The following NDUFB7 variants were observed in gnomAD, a reference collection of about 807,000 sequenced individuals.
NDUFB7 encodes the protein NADH dehydrogenase [ubiquinone] 1 beta subcomplex subunit 7.
NDUFB7 carries 18 observed loss-of-function variants against 14.7 expected under a neutral mutation model. That is an observed-to-expected ratio of 1.22 (90% CI 0.85 to 1.81). The LOEUF is 1.81. Ranked by LOEUF, NDUFB7 falls within the 40% of genes most tolerant of loss-of-function variation. The pLI is 0.00. For synonymous variants in NDUFB7, 86 were observed against 76.1 expected (o/e 1.13, Z -0.68); for missense variants, 219 against 195.0 (o/e 1.12, Z -0.73).
At chr19:14,570,009 AG>A (rs1355538251) in intron 1 of NDUFB7, among the ~76,000 whole-genome samples, 2 of 151,628 alleles carry the variant, frequency 1.3e-5, no homozygotes, top group African/African-American at 4.9e-5. Context: ...CTCCTGCCTC[AG>A]CCTCCCAGAC....
At position 14,567,202 on chromosome 19, in the gene NDUFB7, G is replaced by A. The variant is rs143892491; in HGVS notation, c.113-269C>T. 1.3e-4 allele frequency among the ~76,000 whole-genome samples: 20 copies of A among 152,124 alleles called. No individual in the cohort carries two copies. The highest frequency in any genetic ancestry group is 4.3e-4 in the African/African-American group (18 of 41,508). On this transcript the variant is annotated intron_variant, in intron 1 of 2. Transcript: ENST00000215565. The surrounding 1 kb of genome is among the most constrained non-coding windows in gnomAD (Gnocchi z 5.1). Reference sequence around the variant, plus strand: ...TCACCCTGAGGCACCTCAACATCCCGTGCCGGATCCTTGCCTCCCCTCCCA... The same window carrying A: ...TCACCCTGAGGCACCTCAACATCCCATGCCGGATCCTTGCCTCCCCTCCCA...
rs757367425 is a variant in NDUFB7 at position 14,566,169 on chromosome 19, C to G, written c.378G>C (p.Gln126His). The G allele has an allele frequency of 3.1e-6, 5 of 1,613,410 alleles. No individual in the cohort carries two copies. Among genetic ancestry groups the G allele is most frequent in the Middle Eastern group, 1.7e-4 (1 of 6,018 alleles). ...EKKAAELAKG[Q>H]GPGEVDPKVA... ...CCTTGGGGTCCACTTCCCCGGGTCC[C>G]TGGCCTTTGGCCAACTCTGCCGCCT... The change falls in exon 3 of 3, where the codon CAG becomes CAC. Residue 126 changes from glutamine (Q) to histidine (H), a missense_variant. Gln to His is a conservative substitution (Grantham distance 24). Transcript: ENST00000215565.
At chr19:14,566,716 A>C in intron 2 of NDUFB7, 49 bp downstream of exon 2, 9 of 1,164,472 alleles carry the variant, frequency 7.7e-6, no homozygotes, top group Admixed American at 3.0e-5. Context: ...GGCTGGGGGT[A>C]TGGGGTGTTG....
At position 14,567,542 on chromosome 19, in the gene NDUFB7, C is replaced by T. The variant is rs951851731; in HGVS notation, c.113-609G>A. Among the ~76,000 whole-genome samples, 1 of 152,090 alleles carries T rather than the reference C, an allele frequency of 6.6e-6. No homozygotes were observed. The highest frequency in any genetic ancestry group is 1.5e-5 in the Non-Finnish European group (1 of 68,012). On this transcript the variant is annotated intron_variant, in intron 1 of 2. Coordinates refer to ENST00000215565, the MANE Select transcript of NDUFB7 (RefSeq NM_004146.6). This position sits in a 1 kb window ranked among gnomAD's most constrained non-coding sequence, Gnocchi z 5.1. ...CTAGTATCTGGGTCCCGGTGCCCCA[C>T]TCACCTAGCAAACCTGACTCCGGAC...
intron 1 of NDUFB7, among the ~76,000 whole-genome samples, chr19:14,569,361 C>T (rs1161430624): frequency 6.6e-6 from 1 of 152,134 alleles, no homozygotes. Context: ...CTATGTTGCC[C>T]AGGCTGTTCT....
intron 2 of NDUFB7, 75 bp from the exon 3 acceptor site, chr19:14,566,340 G>C (rs2074084244): frequency 1.2e-6 from 2 of 1,602,076 alleles, no homozygotes; most frequent in Admixed American, 3.3e-5. Flanking sequence ...GAAGCGGAGG[G>C]GCCGTCCCAG....
At position 14,567,641 on chromosome 19, in the gene NDUFB7, G is replaced by A. The variant is rs761754188; in HGVS notation, c.113-708C>T. 2.0e-5 allele frequency among the ~76,000 whole-genome samples: 3 copies of A among 151,974 alleles called. No individual in the cohort carries two copies. Among genetic ancestry groups the A allele is most frequent in the Non-Finnish European group, 2.9e-5 (2 of 67,990 alleles). On this transcript the variant is annotated intron_variant, in intron 1 of 2. Coordinates refer to ENST00000215565, the MANE Select transcript of NDUFB7 (RefSeq NM_004146.6). The surrounding 1 kb of genome is among the most constrained non-coding windows in gnomAD (Gnocchi z 5.1). ...ACTCACCCCGGAGCCTGTGCCTGGC[G>A]ATCCTGCACTCGTTCCCCACCGCCT...
intron 1 of NDUFB7, among the ~76,000 whole-genome samples, chr19:14,569,815 T>A (rs1417707208): frequency 2.6e-5 from 4 of 152,200 alleles, no homozygotes; most frequent in Admixed American, 2.6e-4. Flanking sequence ...ACTGATTGTG[T>A]CCCTCCTCTG....
Position 14,567,229 on chromosome 19 carries a change from A to T in NDUFB7, c.113-296T>A, listed in dbSNP as rs2074096699. ...GCCGGATCCTTGCCTCCCCTCCCAC[A>T]GGGATGCCCGTCCCCAGCTCTCTAC... On this transcript the variant is annotated intron_variant, in intron 1 of 2. Transcript: ENST00000215565. This position sits in a 1 kb window ranked among gnomAD's most constrained non-coding sequence, Gnocchi z 5.1. Among the ~76,000 whole-genome samples the T allele has an allele frequency of 6.6e-6, 1 of 151,970 alleles. No individual in the cohort carries two copies.
intron 2 of NDUFB7, 40 bp downstream of exon 2, chr19:14,566,725 T>TG: frequency 8.1e-7 from 1 of 1,235,850 alleles, no homozygotes; most frequent in Non-Finnish European, 1.0e-6. Context: ...TATGGGGTGT[T>TG]GCGGGCCGGG....
rs144757631 is a variant in NDUFB7, at chr19:14,566,363, G to T, written c.282-98C>A. ...GGGGCCGTCCCAGAGCACTGTGGGG[G>T]AGGCCTCTGAAGAAGACATGTCCGA... is the stretch of plus-strand genomic sequence containing the variant. On this transcript the variant is annotated intron_variant, in intron 2 of 2. Transcript: ENST00000215565. 4.0e-3 allele frequency: 6,245 copies of T among 1,567,540 alleles called. 23 individuals are homozygous for T. Among genetic ancestry groups the T allele is most frequent in the Middle Eastern group, 7.5e-3 (43 of 5,752 alleles).
rs763918861 is a variant in NDUFB7, at chr19:14,566,281, G to A, written c.282-16C>T. The A allele has an allele frequency of 3.7e-6, 6 of 1,613,418 alleles. No homozygotes were observed. Among genetic ancestry groups the A allele is most frequent in the African/African-American group, 2.7e-5 (2 of 74,950 alleles). Reference sequence around the variant, plus strand: ...CATCACATAGCTGGGGGAAAAGCACGAGAGGGGCTGTCAGGGTCCCTGGCC... The same window carrying A: ...CATCACATAGCTGGGGGAAAAGCACAAGAGGGGCTGTCAGGGTCCCTGGCC... On this transcript the variant is annotated splice_polypyrimidine_tract_variant and intron_variant, in intron 2 of 2. Transcript: ENST00000215565.
Position 14,566,117 on chromosome 19 carries a change from G to T in NDUFB7, c.*16C>A, listed in dbSNP as rs766048568. The T allele has an allele frequency of 2.5e-6, 4 of 1,604,362 alleles. No homozygotes were observed. Among genetic ancestry groups the T allele is most frequent in the Non-Finnish European group, 3.4e-6 (4 of 1,175,302 alleles). ...GGCTTTTATTTGACTGGTCCATAGG[G>T]TGGGGGGTGCACCCCCTACAGGGCC... On this transcript the variant is annotated 3_prime_UTR_variant, in exon 3 of 3. Transcript: ENST00000215565.
In NDUFB7 at chr19:14,571,904, C is replaced by CG. The variant is rs771179961; in HGVS notation, c.96dup (p.Glu33ArgfsTer40). 1.2e-6 allele frequency: 2 copies of CG among 1,610,364 alleles called. No individual in the cohort carries two copies. The highest frequency in any genetic ancestry group is 8.5e-7 in the Non-Finnish European group (1 of 1,179,030). On this transcript the variant is annotated frameshift_variant, in exon 1 of 3. Transcript: ENST00000215565. LOFTEE classifies it high-confidence loss of function. Reference sequence around the variant, plus strand: ...TGGGCCTCACCGCGCTCCTTGCGTTCGGGGAAGCCGTAGTCTGGCGGGAAG... The same window carrying CG: ...TGGGCCTCACCGCGCTCCTTGCGTTCGGGGGAAGCCGTAGTCTGGCGGGAAG...
chr19:14,566,623 AG>A lies in NDUFB7; in HGVS notation c.281+141del, dbSNP rs1323573581. 3 of 570,540 alleles carry A rather than the reference AG, an allele frequency of 5.3e-6. No individual in the cohort carries two copies. The African/African-American group carries it at 7.4e-5, about 14-fold the overall frequency. 35.3% of individuals were successfully genotyped at this position (570,540 alleles called of 1,614,324 possible). On this transcript the variant is annotated intron_variant, in intron 2 of 2. Coordinates refer to ENST00000215565, the MANE Select transcript of NDUFB7 (RefSeq NM_004146.6). ...CAGGGGCCAGGCCTGGGTGGGGTGCAGGCTGTGGGTGTTGGCGGGGGTGGGA... is the reference window on the plus strand; with the variant it reads ...CAGGGGCCAGGCCTGGGTGGGGTGCAGCTGTGGGTGTTGGCGGGGGTGGGA...
At chr19:14,571,252 G>C (rs1011652993) in intron 1 of NDUFB7, among the ~76,000 whole-genome samples, 3 of 152,150 alleles carry the variant, frequency 2.0e-5, no homozygotes, top group African/African-American at 7.2e-5. Flanking sequence ...ATCAGGAAGG[G>C]GGTACAATGA....
intron 2 of NDUFB7, 67 bp downstream of exon 2, chr19:14,566,698 G>T (rs1360894470): frequency 1.3e-5 from 18 of 1,417,846 alleles, no homozygotes; most frequent in Non-Finnish European, 1.6e-5. Context: ...TGGGCCAGGG[G>T]TGTGGAAGGC....
chr19:14,570,452 G>T (rs1035218783), intron 1 of NDUFB7, among the ~76,000 whole-genome samples: 2 of 151,718 alleles, frequency 1.3e-5, no homozygotes, highest in Non-Finnish European at 2.9e-5. Flanking sequence ...TGCCCGCCTC[G>T]GCCTCCCAAA....
Position 14,571,952 on chromosome 19 carries a change from G to C in NDUFB7, c.49C>G (p.Pro17Ala), listed in dbSNP as rs780955356. 13 of 1,611,304 alleles carry C rather than the reference G, an allele frequency of 8.1e-6. No individual in the cohort carries two copies. The highest frequency in any genetic ancestry group is 1.3e-5 in the African/African-American group (1 of 74,902). Reference protein sequence around the residue: ...RRYLGDASVEPDPLQMPTFPP... With the variant: ...RRYLGDASVEADPLQMPTFPP... ...AAGGTTGGCATCTGCAGGGGGTCGGGCTCCACCGAGGCATCGCCCAGGTAG... is the reference window on the plus strand; with the variant it reads ...AAGGTTGGCATCTGCAGGGGGTCGGCCTCCACCGAGGCATCGCCCAGGTAG... The change falls in exon 1 of 3, where the codon CCC becomes GCC. Residue 17 changes from proline (P) to alanine (A), a missense_variant. By Grantham distance (27) the Pro-to-Ala change is conservative. Transcript: ENST00000215565.
Sources: gnomAD v4.1 joint callset for allele counts (sites outside exome capture counted in the v4.1 genomes callset) on GRCh38, gnomAD v4.1.1 for gene constraint, Gnocchi (gnomAD v3.1) non-coding constraint, MANE v1.5 for transcripts, NCBI Gene and HGNC (gene_info 2026-07-23, HGNC 2026-07-21) for gene names.